The following HDAC9 variants were observed in gnomAD, a reference collection of about 807,000 sequenced individuals.
HDAC9 encodes the protein histone deacetylase 9, also known as MEF-2 interacting transcription repressor (MITR) protein.
HDAC9 carries 41 observed loss-of-function variants against 139.4 expected under a neutral mutation model. The observed-to-expected ratio is 0.29, with a 90% CI of 0.23 to 0.38. The LOEUF (loss-of-function observed/expected upper bound fraction) is 0.38. Ranked by LOEUF, HDAC9 falls within the 10% of genes least tolerant of loss-of-function variation. The pLI is 1.00. For synonymous variants in HDAC9, 517 were observed against 476.2 expected, an observed-to-expected ratio of 1.09 and a Z score of -1.12; for missense variants, 1,147 against 1,297.0, an observed-to-expected ratio of 0.88 and a Z score of 1.78.
At chr7:18,679,098 G>A (rs954841838) in intron 12 of HDAC9, among the ~76,000 whole-genome samples, 1 of 151,946 alleles carries the variant, frequency 6.6e-6, no homozygotes, top group East Asian at 1.9e-4. Context: ...CAGCTATTCT[G>A]GGGGGAATGA....
intron 6 of HDAC9, among the ~76,000 whole-genome samples, chr7:18,627,827 A>G (rs966097874): frequency 2.0e-5 from 3 of 151,918 alleles, no homozygotes; most frequent in Non-Finnish European, 2.9e-5. Context: ...TCTTTTCAGT[A>G]TTTTCAAGCA....
chr7:18,422,546 A>G (rs746583811), intron 1 of HDAC9, among the ~76,000 whole-genome samples: 4 of 152,176 alleles, frequency 2.6e-5, no homozygotes, highest in Non-Finnish European at 4.4e-5. Context: ...AGAGCACTCT[A>G]TTAGGCAAGA....
rs181797802 is a variant in HDAC9 at position 18,977,275 on chromosome 7, C to T, written c.3170+1322C>T. Among the ~76,000 whole-genome samples the T allele has an allele frequency of 3.6e-3, 549 of 152,110 alleles. 5 individuals carry two copies. The highest frequency in any genetic ancestry group is 0.014 in the Middle Eastern group (4 of 294). ...TAATCCAAAGGTGTTGCAATTATTC[C>T]GAAGGCCAAAAACAGTTAGTTGTCT... On this transcript the variant is annotated intron_variant, in intron 25 of 25. Coordinates refer to ENST00000686413, the MANE Select transcript of HDAC9 (RefSeq NM_178425.4).
chr7:18,322,488 T>C (rs1800103041), intron 1 of HDAC9, among the ~76,000 whole-genome samples: 2 of 152,212 alleles, frequency 1.3e-5, no homozygotes, highest in Admixed American at 1.3e-4. Flanking sequence ...CAAGGCTTAC[T>C]TAATGGGAAC....
chr7:18,396,372 G>T (rs1451181300), intron 1 of HDAC9, among the ~76,000 whole-genome samples: 1 of 152,248 alleles, frequency 6.6e-6, no homozygotes. Flanking sequence ...TTGGCAGGAT[G>T]CTGTAGAAGG....
intron 1 of HDAC9, among the ~76,000 whole-genome samples, chr7:18,103,015 G>A (rs1361637952): frequency 1.3e-5 from 2 of 152,182 alleles, no homozygotes; most frequent in Admixed American, 6.5e-5. Context: ...AATTTATAAA[G>A]GAATGAGGTT....
rs184791853 is a variant in HDAC9, at chr7:18,368,567, A to C, written c.-42+78052A>C. On this transcript the variant is annotated intron_variant, in intron 1 of 3. Transcript: ENST00000413509. ...CGTGCTTTATTTTCTGGGAAAAAAA[A>C]CCCCCAAGGTTTATATTAATTTTAT... Among the ~76,000 whole-genome samples the C allele has an allele frequency of 8.7e-3, 1,327 of 151,678 alleles. 8 individuals are homozygous for C. Among genetic ancestry groups the C allele is most frequent in the Middle Eastern group, 0.014 (4 of 292 alleles).
chr7:18,357,267 A>G (rs1405790069), intron 1 of HDAC9, among the ~76,000 whole-genome samples: 1 of 152,176 alleles, frequency 6.6e-6, no homozygotes, highest in Non-Finnish European at 1.5e-5. Flanking sequence ...GGTAGACATC[A>G]ATCAGTATTA....
chr7:18,875,424 T>G (rs1384043251), intron 22 of HDAC9, among the ~76,000 whole-genome samples: 1 of 152,076 alleles, frequency 6.6e-6, no homozygotes, highest in African/African-American at 2.4e-5. Context: ...CCAAATACTT[T>G]TAAGTGGGAG....
intron 1 of HDAC9, among the ~76,000 whole-genome samples, chr7:18,382,977 G>A (rs1398232310): frequency 2.6e-5 from 4 of 152,242 alleles, no homozygotes; most frequent in African/African-American, 9.6e-5. Flanking sequence ...ACTAAATGGG[G>A]CAACTTAAAT....
chr7:18,974,781 A>G (rs1784453106), intron 24 of HDAC9, among the ~76,000 whole-genome samples: 1 of 152,250 alleles, frequency 6.6e-6, no homozygotes, highest in African/African-American at 2.4e-5. Flanking sequence ...TCCCTATTTC[A>G]GAGACAGAAA....
chr7:18,184,567 A>T (rs549071791), intron 2 of HDAC9, among the ~76,000 whole-genome samples: 1 of 152,302 alleles, frequency 6.6e-6, no homozygotes, highest in East Asian at 1.9e-4. Flanking sequence ...ACCTGAGGTA[A>T]GGTGAGGAAT....
intron 1 of HDAC9, among the ~76,000 whole-genome samples, chr7:18,110,306 A>C (rs1173938908): frequency 6.6e-6 from 1 of 152,230 alleles, no homozygotes; most frequent in African/African-American, 2.4e-5. Context: ...AAATGTTCAA[A>C]AGTAACCACT....
intron 1 of HDAC9, among the ~76,000 whole-genome samples, chr7:18,130,626 A>G (rs1784941906): frequency 6.6e-6 from 1 of 152,150 alleles, no homozygotes; most frequent in South Asian, 2.1e-4. Flanking sequence ...GAACAACTTC[A>G]TCGCTATTCT....
intron 12 of HDAC9, chr7:18,666,689 G>T (rs1407833023): frequency 3.9e-6 from 5 of 1,292,380 alleles, no homozygotes; most frequent in Non-Finnish European, 4.9e-6. Context: ...AGATATCAAT[G>T]TTTCATTGAA....
At chr7:18,517,552 A>G (rs1803636673) in intron 2 of HDAC9, 1 of 152,164 alleles carries the variant, frequency 6.6e-6, no homozygotes, top group Admixed American at 6.5e-5. Context: ...CATTCATTCT[A>G]AAGAATTAGC....
intron 24 of HDAC9, among the ~76,000 whole-genome samples, chr7:18,957,722 C>A (rs368105351): frequency 2.2e-4 from 34 of 152,126 alleles, no homozygotes; most frequent in African/African-American, 8.2e-4. Context: ...ATGAAGCTGC[C>A]CCTGAAGGTA....
intron 2 of HDAC9, among the ~76,000 whole-genome samples, chr7:18,180,970 T>C (rs1416615689): frequency 1.3e-5 from 2 of 152,204 alleles, no homozygotes; most frequent in African/African-American, 4.8e-5. Flanking sequence ...TGGGGTCACA[T>C]TGCCTTCTTT....
At chr7:18,363,426 A>G (rs192876797) in intron 1 of HDAC9, among the ~76,000 whole-genome samples, 81 of 152,282 alleles carry the variant, frequency 5.3e-4, no homozygotes, top group Middle Eastern at 3.4e-3. Flanking sequence ...ATTTTTGTAG[A>G]ATTTGGCCTA....
Sources: allele counts gnomAD v4.1 joint callset (sites outside exome capture counted in the v4.1 genomes callset), GRCh38; gene constraint gnomAD v4.1.1; transcripts MANE v1.5; gene names NCBI Gene and HGNC (gene_info 2026-07-23, HGNC 2026-07-21).